EXT2: variants seen among roughly 807,000 people sequenced by gnomAD.
The protein encoded by EXT2 is exostosin glycosyltransferase 2.
EXT2 carries 53 observed loss-of-function variants against 81.6 expected under a neutral mutation model. The ratio of observed to expected loss-of-function variants is 0.65; its 90% confidence interval spans 0.52 to 0.82. The LOEUF (loss-of-function observed/expected upper bound fraction) is 0.82. EXT2 is among the 40% of genes least tolerant of loss of function. EXT2 has a pLI of 0.00. For missense variants in EXT2, 774 were observed against 910.2 expected, an observed-to-expected ratio of 0.85 and a Z score of 1.93; for synonymous variants, 320 against 340.0, an observed-to-expected ratio of 0.94 and a Z score of 0.65.
At chr11:44,209,999 A>C (rs962833728) in intron 10 of EXT2, among the ~76,000 whole-genome samples, 4 of 152,216 alleles carry the variant, frequency 2.6e-5, no homozygotes, top group Admixed American at 2.6e-4. Context: ...ACACGTATGA[A>C]AGATATAGAA....
intron 8 of EXT2, among the ~76,000 whole-genome samples, chr11:44,179,772 T>G (rs1425044675): frequency 6.6e-6 from 1 of 152,174 alleles, no homozygotes; most frequent in Non-Finnish European, 1.5e-5. Context: ...TTGAGTATAA[T>G]TTTCTAATAA....
At chr11:44,242,042 C>T (rs1002090590) in intron 13 of EXT2, among the ~76,000 whole-genome samples, 5 of 152,212 alleles carry the variant, frequency 3.3e-5, no homozygotes, top group Non-Finnish European at 5.9e-5. Flanking sequence ...GCCTATGACC[C>T]ATTCCTGTTG....
At chr11:44,226,869 C>T (rs956416330) in intron 10 of EXT2, among the ~76,000 whole-genome samples, 7 of 152,238 alleles carry the variant, frequency 4.6e-5, no homozygotes, top group African/African-American at 1.7e-4. Context: ...ATTGACCAAA[C>T]TCAGGCAGTG....
At chr11:44,208,282 A>G (rs375634162) in intron 10 of EXT2, among the ~76,000 whole-genome samples, 96 of 152,198 alleles carry the variant, frequency 6.3e-4, no homozygotes, top group African/African-American at 2.1e-3. Flanking sequence ...TTGTGGCAAA[A>G]GAGAGGTGGA....
chr11:44,232,462 C>T lies in EXT2; in HGVS notation c.1772C>T (p.Ser591Phe). 1 of 1,613,962 alleles carries T rather than the reference C, an allele frequency of 6.2e-7. No individual in the cohort carries two copies. The highest frequency in any genetic ancestry group is 8.5e-7 in the Non-Finnish European group (1 of 1,179,950). The change falls in exon 11 of 14, where the codon TCC (serine) becomes TTC (phenylalanine). Residue 591 changes from serine (S) to phenylalanine (F), a missense_variant. By Grantham distance (155) the Ser-to-Phe change is radical. Transcript: ENST00000533608. The stretch of plus-strand genomic sequence containing the variant: ...GAGTCTGAGTGGACGAATGAAGTGT[C>T]CATGGTGCTCACTGGGGCAGCTTTT... ...KYESEWTNEV[S>F]MVLTGAAFYH...
intron 9 of EXT2, among the ~76,000 whole-genome samples, chr11:44,205,570 A>G (rs1188436814): frequency 6.6e-6 from 1 of 152,178 alleles, no homozygotes; most frequent in Non-Finnish European, 1.5e-5. Context: ...AGGGCCTCTC[A>G]CTTGCACAGG....
chr11:44,108,328 A>T (rs1253523294), intron 2 of EXT2, 80 bp downstream of exon 2: 4 of 1,462,068 alleles, frequency 2.7e-6, no homozygotes, highest in Non-Finnish European at 2.8e-6. Flanking sequence ...GAAGGATGGG[A>T]ATGCTTCTGC....
rs768071412 is a variant in EXT2, at chr11:44,107,939, C to T, written c.227C>T (p.Pro76Leu). The change falls in exon 2 of 14, where the codon CCC becomes CTC. Residue 76 changes from proline to leucine, a missense_variant. Physicochemically the swap from Pro to Leu is moderately conservative, Grantham distance 98. Coordinates refer to ENST00000533608, the MANE Select transcript of EXT2 (RefSeq NM_207122.2). ...VPVVRLPADS[P>L]IPERGDLSCR... The stretch of plus-strand genomic sequence containing the variant: ...GTTGTTAGGCTGCCAGCCGACAGTC[C>T]CATCCCAGAGCGGGGGGATCTCAGT... The T allele has an allele frequency of 6.2e-7, 1 of 1,614,102 alleles. No homozygotes were observed. The highest frequency in any genetic ancestry group is 8.5e-7 in the Non-Finnish European group (1 of 1,180,052).
At chr11:44,242,407 G>T (rs1418819613) in intron 13 of EXT2, among the ~76,000 whole-genome samples, 1 of 152,110 alleles carries the variant, frequency 6.6e-6, no homozygotes, top group Non-Finnish European at 1.5e-5. Context: ...TTGGAACTAG[G>T]AACACCACCT....
chr11:44,119,038 C>T (rs1004976045), intron 4 of EXT2, among the ~76,000 whole-genome samples: 4 of 147,478 alleles, frequency 2.7e-5, no homozygotes, highest in African/African-American at 1.0e-4. Context: ...TTATTGAAAG[C>T]CTGTTTGGAC....
At chr11:44,147,960 G>A (rs1342803594) in intron 7 of EXT2, among the ~76,000 whole-genome samples, 1 of 152,134 alleles carries the variant, frequency 6.6e-6, no homozygotes, top group South Asian at 2.1e-4. Flanking sequence ...ATCACGCTTG[G>A]AGCAAGGCAC....
intron 8 of EXT2, among the ~76,000 whole-genome samples, chr11:44,183,173 G>A (rs1955260309): frequency 6.6e-6 from 1 of 152,168 alleles, no homozygotes; most frequent in Admixed American, 6.5e-5. Flanking sequence ...TACTGGTGAT[G>A]ATAACTTGGA....
rs963364715 is a variant in EXT2, at chr11:44,191,279, G to A, written c.1306-6550G>A. ...GTAAACGGTGGGAGAATGGGCAAGA[G>A]GTGAGCAAGGCATTTTGGCCAAAGG... On this transcript the variant is annotated intron_variant, in intron 8 of 13. Transcript: ENST00000533608. 3.9e-5 allele frequency among the ~76,000 whole-genome samples: 6 copies of A among 152,216 alleles called. No individual in the cohort carries two copies. In the South Asian group the frequency reaches 8.3e-4, roughly 21 times the overall value.
chr11:44,130,088 A>G lies in EXT2; in HGVS notation c.1123A>G (p.Ser375Gly), dbSNP rs369029338. Reference protein sequence around the residue: ...VPEEKMSDVYSILQSIPQRQI... With the variant: ...VPEEKMSDVYGILQSIPQRQI... ...AGAAGAAAAGATGTCAGATGTGTACAGTATTTTGCAGAGCATCCCCCAAAG... is the reference window on the plus strand; with the variant it reads ...AGAAGAAAAGATGTCAGATGTGTACGGTATTTTGCAGAGCATCCCCCAAAG... Residue 375 changes from serine to glycine, a missense_variant, in exon 7 of 14, where the codon AGT (serine) becomes GGT (glycine). By Grantham distance (56) the Ser-to-Gly change is moderately conservative. Around this residue, in one of 2 missense-constraint regions of EXT2, gnomAD observed 626 missense variants for 670.5 expected, o/e 0.93. Coordinates refer to ENST00000533608, the MANE Select transcript of EXT2 (RefSeq NM_207122.2). The G allele has an allele frequency of 3.9e-4, 622 of 1,614,242 alleles. 3 individuals carry two copies. The South Asian group carries it at 6.3e-3, about 16-fold the overall frequency.
intron 8 of EXT2, among the ~76,000 whole-genome samples, chr11:44,195,168 C>G (rs1005748352): frequency 1.1e-4 from 16 of 152,116 alleles, no homozygotes; most frequent in African/African-American, 3.9e-4. Flanking sequence ...GGCGCGGTGG[C>G]TCACACCTGT....
intron 7 of EXT2, chr11:44,144,112 C>T: frequency 1.3e-6 from 1 of 741,316 alleles, no homozygotes. Flanking sequence ...CTTTCTTTCT[C>T]CTGGTTTTAG....
At chr11:44,131,322 T>G (rs554049647) in intron 7 of EXT2, among the ~76,000 whole-genome samples, 1 of 152,302 alleles carries the variant, frequency 6.6e-6, no homozygotes, top group Non-Finnish European at 1.5e-5. Flanking sequence ...ATGTGTTCAG[T>G]CCACCCTCTT....
At chr11:44,130,179 G>A (rs759721160) in intron 7 of EXT2, 41 bp downstream of exon 7, 16 of 1,514,414 alleles carry the variant, frequency 1.1e-5, no homozygotes, top group African/African-American at 2.7e-5. Flanking sequence ...GGGTGGTACC[G>A]AAATGGTGGC....
At chr11:44,228,515 AG>A (rs1955862890) in intron 10 of EXT2, among the ~76,000 whole-genome samples, 1 of 152,148 alleles carries the variant, frequency 6.6e-6, no homozygotes, top group South Asian at 2.1e-4. Context: ...TCAATTAGAG[AG>A]GGCCCATCCC....
Sources: gnomAD v4.1 joint callset for allele counts (sites outside exome capture counted in the v4.1 genomes callset) on GRCh38, gnomAD v4.1.1 for gene constraint, gnomAD v4.1.1 regional missense constraint, MANE v1.5 for transcripts, NCBI Gene and HGNC (gene_info 2026-07-23, HGNC 2026-07-21) for gene names.